The following PRAMEF1 variants were observed in gnomAD, a reference collection of about 807,000 sequenced individuals.
PRAMEF1 encodes the protein PRAME family member 1.
A neutral mutation model predicts 38.2 loss-of-function variants in PRAMEF1; 21 were observed. That is an observed-to-expected ratio of 0.55 (90% CI 0.39 to 0.79). PRAMEF1 has a LOEUF of 0.79. Ranked by LOEUF, PRAMEF1 falls within the 30% of genes least tolerant of loss-of-function variation. PRAMEF1 has a pLI of 0.00. For missense variants in PRAMEF1, 497 were observed against 565.8 expected (o/e 0.88, Z 1.23); for synonymous variants, 200 against 229.0 (o/e 0.87, Z 1.14).
rs1308650348 is a variant in PRAMEF1, at chr1:12,795,023, G to A, written c.867-415G>A. The A allele has an allele frequency of 5.5e-5, 66 of 1,210,640 alleles. 2 individuals are homozygous for A. Among genetic ancestry groups the A allele is most frequent in the Admixed American group, 2.7e-4 (11 of 41,288 alleles). The allele number at this position is 1,210,640 out of a possible 1,614,324, so 75.0% of individuals were successfully genotyped here. ...GGGATGGAGGTGAGGGAGTAGGCGT[G>A]AGAGTGGTAAAAAGTGACAGTTGGT... is the stretch of plus-strand genomic sequence containing the variant. On this transcript the variant is annotated intron_variant, in intron 3 of 3. Transcript: ENST00000332296.
In PRAMEF1 at chr1:12,793,318, C is replaced by A; in HGVS notation, c.91C>A (p.Leu31Met). The change falls in exon 2 of 4, where the codon CTG (leucine) becomes ATG (methionine). Residue 31 changes from leucine to methionine, a missense_variant. Physicochemically the swap from Leu to Met is conservative, Grantham distance 15 (BLOSUM62 2). This residue lies in a region of PRAMEF1 where 470 missense variants were observed against 501.9 expected (regional missense o/e 0.94). Coordinates refer to ENST00000332296, the MANE Select transcript of PRAMEF1 (RefSeq NM_023013.4). ...QALSISAMEE[L>M]PRVLYLPLFM... The stretch of plus-strand genomic sequence containing the variant: ...CTTGTCCATCTCTGCCATGGAGGAG[C>A]TGCCCAGGGTGCTCTATCTCCCACT... 6.2e-7 allele frequency: 1 copy of A among 1,608,754 alleles called. No individual in the cohort carries two copies. The highest frequency in any genetic ancestry group is 8.5e-7 in the Non-Finnish European group (1 of 1,177,774).
intron 1 of PRAMEF1, among the ~76,000 whole-genome samples, chr1:12,792,610 T>G (rs1052462745): frequency 3.3e-5 from 5 of 151,468 alleles, no homozygotes; most frequent in African/African-American, 4.8e-5. Context: ...AGAGTCCAAG[T>G]CTGTCACCCA....
intron 3 of PRAMEF1, among the ~76,000 whole-genome samples, 172 bp from the exon 4 acceptor site, chr1:12,795,266 G>A (rs1168557057): frequency 6.6e-6 from 1 of 151,724 alleles, no homozygotes; most frequent in African/African-American, 2.4e-5. Flanking sequence ...AGGCTAAAAT[G>A]GGACAGCCCC....
Position 12,793,450 on chromosome 1 carries a change from T to C in PRAMEF1, c.223T>C (p.Leu75=), listed in dbSNP as rs1359513751. ...PLGSLMKTLH[L]ETLKALLEGL... ...GGGATCACTGATGAAGACGCTTCAT[T>C]TGGAGACCTTAAAAGCATTGCTGGA... Residue 75 remains leucine (L), a synonymous_variant, in exon 2 of 4, where the codon TTG becomes CTG. Coordinates refer to ENST00000332296, the MANE Select transcript of PRAMEF1 (RefSeq NM_023013.4). The C allele has an allele frequency of 6.8e-6, 11 of 1,609,532 alleles. 1 individual carries two copies. The highest frequency in any genetic ancestry group is 1.1e-5 in the South Asian group (1 of 90,494).
At chr1:12,793,697 C>A (rs1639336616) in intron 2 of PRAMEF1, among the ~76,000 whole-genome samples, 183 bp downstream of exon 2, 1 of 151,336 alleles carries the variant, frequency 6.6e-6, no homozygotes, top group Non-Finnish European at 1.5e-5. Flanking sequence ...ATACAGGGTC[C>A]ACTGTGGGAA....
At chr1:12,792,582 T>A (rs1639312126) in intron 1 of PRAMEF1, among the ~76,000 whole-genome samples, 1 of 151,278 alleles carries the variant, frequency 6.6e-6, no homozygotes. Flanking sequence ...TATTTATCAA[T>A]TTGTTTTTGT....
In PRAMEF1 at chr1:12,794,331, G is replaced by C. The variant is rs767221045; in HGVS notation, c.704G>C (p.Arg235Pro). The C allele has an allele frequency of 6.2e-7, 1 of 1,612,108 alleles. No homozygotes were observed. Among genetic ancestry groups the C allele is most frequent in the Non-Finnish European group, 8.5e-7 (1 of 1,179,050 alleles). Residue 235 changes from arginine (R) to proline (P), a missense_variant, in exon 3 of 4, where the codon CGC becomes CCC. Arg to Pro is a moderately radical substitution (Grantham distance 103). Transcript: ENST00000332296. ...TACCTGAAGGAGATGAAGAATCTTCGCAAACTCGTTTTCTCCAGGTGCCAT... is the reference window on the plus strand; with the variant it reads ...TACCTGAAGGAGATGAAGAATCTTCCCAAACTCGTTTTCTCCAGGTGCCAT... ...RCYLKEMKNL[R>P]KLVFSRCHHY...
At chr1:12,793,552 G>A in intron 2 of PRAMEF1, 38 bp downstream of exon 2, 1 of 1,584,142 alleles carries the variant, frequency 6.3e-7, no homozygotes, top group Non-Finnish European at 8.6e-7. Context: ...TAGGGCTCAG[G>A]TGTCCAGGGA....
At chr1:12,793,814 G>T in intron 2 of PRAMEF1, 101 bp from the exon 3 acceptor site, 3 of 1,418,868 alleles carry the variant, frequency 2.1e-6, no homozygotes, top group Non-Finnish European at 2.9e-6. Flanking sequence ...AGAACAGGGA[G>T]CACTGAGGAC....
rs1466206973 is a variant in PRAMEF1, at chr1:12,793,143, A to C, written c.-25-60A>C. ...GGAAGACATTCTTCCTGGTACCAGT[A>C]GAAGCAGATGATTGTCTTTGCCCTG... is the stretch of plus-strand genomic sequence containing the variant. On this transcript the variant is annotated intron_variant, in intron 1 of 3. Transcript: ENST00000332296. The C allele has an allele frequency of 4.4e-6, 7 of 1,573,136 alleles. 1 individual carries two copies. The African/African-American group carries it at 8.1e-5, about 18-fold the overall frequency.
Position 12,796,144 on chromosome 1 carries a change from T to G in PRAMEF1, c.*148T>G. ...TCCAAAATTTTTATTAAAGACAATT[T>G]GAGACAGGGTTTCGCTGTGTTGCTC... On this transcript the variant is annotated 3_prime_UTR_variant, in exon 4 of 4. Coordinates refer to ENST00000332296, the MANE Select transcript of PRAMEF1 (RefSeq NM_023013.4). The G allele has an allele frequency of 7.6e-7, 1 of 1,314,056 alleles. No homozygotes were observed. Among genetic ancestry groups the G allele is most frequent in the South Asian group, 1.6e-5 (1 of 61,308 alleles). 81.4% of individuals were successfully genotyped at this position (1,314,056 alleles called of 1,614,324 possible).
At position 12,791,848 on chromosome 1, in the gene PRAMEF1, G is replaced by A. The variant is rs368706674; in HGVS notation, c.-26+374G>A. On this transcript the variant is annotated intron_variant, in intron 1 of 3. Transcript: ENST00000332296. ...TTTCATTTTCATAAAATCCTTAAAG[G>A]TATCCCACACAGCAATCTCAAGAGT... is the stretch of plus-strand genomic sequence containing the variant. 5.3e-4 allele frequency among the ~76,000 whole-genome samples: 80 copies of A among 150,038 alleles called. 3 individuals are homozygous for A. The South Asian group carries it at 0.017, about 33-fold the overall frequency.
chr1:12,794,516 G>A (rs778879257), intron 3 of PRAMEF1, 23 bp downstream of exon 3: 7 of 1,601,780 alleles, frequency 4.4e-6, no homozygotes, highest in Admixed American at 1.7e-5. Flanking sequence ...CATGCACTTT[G>A]TATGCAGACC....
Position 12,795,747 on chromosome 1 carries a change from C to T in PRAMEF1, c.1176C>T (p.Asp392=), listed in dbSNP as rs201337684. The T allele has an allele frequency of 2.1e-5, 34 of 1,611,212 alleles. No homozygotes were observed. The highest frequency in any genetic ancestry group is 8.8e-5 in the South Asian group (8 of 90,922). Residue 392 remains aspartate, a synonymous_variant, in exon 4 of 4, where the codon GAC becomes GAT. Coordinates refer to ENST00000332296, the MANE Select transcript of PRAMEF1 (RefSeq NM_023013.4). ...FYFGRNCMSI[D]ALKDLLRHTS... is the part of the protein sequence containing the mutation. Reference sequence around the variant, plus strand: ...TTGGCAGAAATTGCATGTCTATTGACGCCCTGAAGGACCTGCTGCGCCACA... The same window carrying T: ...TTGGCAGAAATTGCATGTCTATTGATGCCCTGAAGGACCTGCTGCGCCACA...
At chr1:12,793,075 TA>T (rs1457809826) in intron 1 of PRAMEF1, 127 bp from the exon 2 acceptor site, 2 of 1,283,038 alleles carry the variant, frequency 1.6e-6, no homozygotes, top group Admixed American at 4.9e-5. Flanking sequence ...GGAAGAAAAT[TA>T]ATAAGTCAGT....
At chr1:12,791,802 A>T (rs1639298892) in intron 1 of PRAMEF1, among the ~76,000 whole-genome samples, 1 of 132,762 alleles carries the variant, frequency 7.5e-6, no homozygotes. Context: ...ACTTGGTGTT[A>T]TTGTGATTCT....
Position 12,794,504 on chromosome 1 carries a change from A to T in PRAMEF1, c.866+11A>T, listed in dbSNP as rs376548866. On this transcript the variant is annotated intron_variant, in intron 3 of 3. Coordinates refer to ENST00000332296, the MANE Select transcript of PRAMEF1 (RefSeq NM_023013.4). ...GGAACAGCTGATCAGGTGAGAAAGG[A>T]TCATGCACTTTGTATGCAGACCACA... The T allele has an allele frequency of 1.2e-6, 2 of 1,609,832 alleles. No individual in the cohort carries two copies. The highest frequency in any genetic ancestry group is 2.7e-5 in the African/African-American group (2 of 74,694).
rs768696580 is a variant in PRAMEF1, at chr1:12,796,012, T to C, written c.*16T>C. Reference sequence around the variant, plus strand: ...TTGCTGCTAGGGAAGGCGTGCCCAGTGGGGTAGAGAAATCCAAAGTTCTCT... The same window carrying C: ...TTGCTGCTAGGGAAGGCGTGCCCAGCGGGGTAGAGAAATCCAAAGTTCTCT... On this transcript the variant is annotated 3_prime_UTR_variant, in exon 4 of 4. Coordinates refer to ENST00000332296, the MANE Select transcript of PRAMEF1 (RefSeq NM_023013.4). The C allele has an allele frequency of 2.5e-6, 4 of 1,599,806 alleles. No homozygotes were observed. Among genetic ancestry groups the C allele is most frequent in the East Asian group, 2.2e-5 (1 of 44,560 alleles).
At chr1:12,793,030 C>T (rs1375081012) in intron 1 of PRAMEF1, among the ~76,000 whole-genome samples, 173 bp from the exon 2 acceptor site, 1 of 150,934 alleles carries the variant, frequency 6.6e-6, no homozygotes, top group Non-Finnish European at 1.5e-5. Flanking sequence ...TCCTCAGTGG[C>T]ACTGTCCGGT....
Sources: gnomAD v4.1 joint callset for allele counts (sites outside exome capture counted in the v4.1 genomes callset) on GRCh38, gnomAD v4.1.1 for gene constraint, gnomAD v4.1.1 regional missense constraint, MANE v1.5 for transcripts, NCBI Gene and HGNC (gene_info 2026-07-23, HGNC 2026-07-21) for gene names.